Variants in LRP1B observed in about 807,000 individuals in gnomAD.
LRP1B encodes the protein low-density lipoprotein receptor-related protein 1B.
A neutral mutation model predicts 556.6 loss-of-function variants in LRP1B; 217 were observed. The observed-to-expected ratio is 0.39, with a 90% CI of 0.35 to 0.44. The LOEUF (loss-of-function observed/expected upper bound fraction) is 0.44. Among genes scored for constraint, LRP1B ranks in the 20% least tolerant of loss-of-function variants. The pLI is 1.00. For synonymous variants in LRP1B, 2,047 were observed against 1,865.8 expected (o/e 1.10, Z -2.50); for missense variants, 5,053 against 5,620.8 (o/e 0.90, Z 3.23).
rs573041531 is a variant in LRP1B at position 140,376,530 on chromosome 2, G to C, written c.10638+1650C>G. Among the ~76,000 whole-genome samples the C allele has an allele frequency of 3.9e-5, 6 of 152,176 alleles. No homozygotes were observed. The South Asian group carries it at 1.2e-3, about 32-fold the overall frequency. On this transcript the variant is annotated intron_variant, in intron 68 of 90. Coordinates refer to ENST00000389484, the MANE Select transcript of LRP1B (RefSeq NM_018557.3). ...AAATTTATGAATGCTAGGTAAATAT[G>C]TGGCTGGTAAATGAGTGTAAAAAAT...
intron 77 of LRP1B, among the ~76,000 whole-genome samples, chr2:140,349,519 T>C (rs1477453210): frequency 6.6e-6 from 1 of 151,764 alleles, no homozygotes; most frequent in African/African-American, 2.4e-5. Flanking sequence ...TAGTTGTATG[T>C]AATTATATAC....
At chr2:141,044,164 T>A (rs1319452282) in intron 11 of LRP1B, among the ~76,000 whole-genome samples, 1 of 151,630 alleles carries the variant, frequency 6.6e-6, no homozygotes, top group Admixed American at 6.6e-5. Flanking sequence ...AAACAAGCAA[T>A]GGGGAAAGGA....
chr2:142,067,539 A>T (rs1446247008), intron 1 of LRP1B, among the ~76,000 whole-genome samples: 1 of 151,568 alleles, frequency 6.6e-6, no homozygotes, highest in Non-Finnish European at 1.5e-5. Context: ...TGAAAACCCA[A>T]AGTGGAAGTC....
At chr2:141,565,438 G>A (rs1686298520) in intron 2 of LRP1B, among the ~76,000 whole-genome samples, 1 of 152,108 alleles carries the variant, frequency 6.6e-6, no homozygotes, top group African/African-American at 2.4e-5. Context: ...ATCAATCAAG[G>A]CTTTTAAGAG....
intron 83 of LRP1B, among the ~76,000 whole-genome samples, chr2:140,301,296 C>T (rs1683809553): frequency 1.3e-5 from 2 of 151,702 alleles, no homozygotes; most frequent in Admixed American, 1.3e-4. Flanking sequence ...TTGGTACATC[C>T]TTGAGCTTCT....
At chr2:141,382,674 T>C (rs1355423956) in intron 3 of LRP1B, among the ~76,000 whole-genome samples, 4 of 152,202 alleles carry the variant, frequency 2.6e-5, no homozygotes, top group Non-Finnish European at 4.4e-5. Flanking sequence ...GTTGGGAACA[T>C]AGATGCAAAA....
chr2:141,417,949 T>C (rs1357006965), intron 3 of LRP1B, among the ~76,000 whole-genome samples: 6 of 152,124 alleles, frequency 3.9e-5, no homozygotes. Context: ...TACATCATTG[T>C]GGTTTTGATT....
chr2:140,670,410 G>A (rs1177775908), intron 41 of LRP1B, among the ~76,000 whole-genome samples: 4 of 152,158 alleles, frequency 2.6e-5, no homozygotes, highest in Admixed American at 6.5e-5. Flanking sequence ...AGATAAAGGC[G>A]AGGAAAGTCC....
chr2:141,433,291 T>C (rs1436842016), intron 3 of LRP1B, among the ~76,000 whole-genome samples: 1 of 152,072 alleles, frequency 6.6e-6, no homozygotes, highest in African/African-American at 2.4e-5. Flanking sequence ...CCAAGGCTTA[T>C]TTCATGAACT....
At chr2:141,210,266 T>C (rs1682484745) in intron 6 of LRP1B, among the ~76,000 whole-genome samples, 1 of 151,220 alleles carries the variant, frequency 6.6e-6, no homozygotes, top group Non-Finnish European at 1.5e-5. Flanking sequence ...AAAATGCCCA[T>C]GTTACCTGAC....
At chr2:141,804,065 A>G (rs865976553) in intron 2 of LRP1B, among the ~76,000 whole-genome samples, 1 of 152,044 alleles carries the variant, frequency 6.6e-6, no homozygotes, top group Non-Finnish European at 1.5e-5. Flanking sequence ...GCATTGTTCA[A>G]TTAGAAGTGA....
intron 2 of LRP1B, among the ~76,000 whole-genome samples, chr2:141,806,339 G>A (rs374628390): frequency 6.6e-6 from 1 of 151,972 alleles, no homozygotes. Flanking sequence ...TAGAAAGATG[G>A]TGATTTCCCT....
At chr2:140,876,376 T>C (rs1330524002) in intron 25 of LRP1B, among the ~76,000 whole-genome samples, 1 of 152,200 alleles carries the variant, frequency 6.6e-6, no homozygotes, top group East Asian at 1.9e-4. Context: ...TTTGTGAGTA[T>C]TGTTAGCTTA....
intron 63 of LRP1B, among the ~76,000 whole-genome samples, chr2:140,445,108 T>C (rs1221987629): frequency 6.6e-6 from 1 of 151,794 alleles, no homozygotes; most frequent in Non-Finnish European, 1.5e-5. Context: ...ACAATACATA[T>C]TCTCTCTCTC....
intron 32 of LRP1B, among the ~76,000 whole-genome samples, chr2:140,810,588 A>C (rs184241809): frequency 1.3e-5 from 2 of 152,078 alleles, no homozygotes; most frequent in East Asian, 3.9e-4. Context: ...CCCTGAGGAG[A>C]AGAGTAAGTT....
chr2:140,292,337 C>G (rs921475409), intron 84 of LRP1B, among the ~76,000 whole-genome samples: 1 of 152,140 alleles, frequency 6.6e-6, no homozygotes, highest in African/African-American at 2.4e-5. Context: ...AAACATTACA[C>G]ATGTTTACTG....
At chr2:140,863,190 T>C (rs10048808) in intron 27 of LRP1B, among the ~76,000 whole-genome samples, 1,538 of 152,286 alleles carry the variant, frequency 0.01, 25 homozygotes, top group African/African-American at 0.035. Flanking sequence ...CACACACACA[T>C]ATATATTCTA....
At chr2:141,718,583 A>C (rs1271718091) in intron 2 of LRP1B, among the ~76,000 whole-genome samples, 1 of 152,198 alleles carries the variant, frequency 6.6e-6, no homozygotes, top group East Asian at 1.9e-4. Flanking sequence ...CTTCATAGTG[A>C]GGGCCAAAAC....
intron 1 of LRP1B, among the ~76,000 whole-genome samples, chr2:142,104,522 T>C (rs1263349182): frequency 6.6e-6 from 1 of 152,152 alleles, no homozygotes; most frequent in Admixed American, 6.6e-5. Context: ...TTTCCAAATA[T>C]TGGATTGAGT....
Sources: gnomAD v4.1 joint callset for allele counts (sites outside exome capture counted in the v4.1 genomes callset) on GRCh38, gnomAD v4.1.1 for gene constraint, MANE v1.5 for transcripts, NCBI Gene and HGNC (gene_info 2026-07-23, HGNC 2026-07-21) for gene names.